The following ALOX5AP variants were observed in gnomAD, a reference collection of about 807,000 sequenced individuals.
ALOX5AP encodes arachidonate 5-lipoxygenase activating protein, also known as arachidonate 5-lipoxygenase-activating protein.
Under a neutral mutation model 18.5 loss-of-function variants are expected in ALOX5AP, and 9 were observed. That is an observed-to-expected ratio of 0.49 (90% CI 0.29 to 0.85). The LOEUF (loss-of-function observed/expected upper bound fraction) is 0.85, where lower values mean the gene tolerates loss of function less well. ALOX5AP is among the 40% of genes least tolerant of loss of function. ALOX5AP has a pLI of 0.08. For missense variants in ALOX5AP, 172 were observed against 202.5 expected (o/e 0.85, Z 0.91); for synonymous variants, 81 against 78.6 (o/e 1.03, Z -0.16).
At chr13:30,725,527 C>A (rs997102598) in intron 1 of ALOX5AP, among the ~76,000 whole-genome samples, 1 of 152,240 alleles carries the variant, frequency 6.6e-6, no homozygotes, top group Non-Finnish European at 1.5e-5. Context: ...GCTGAGTGCT[C>A]AGCCTGCCAA....
At chr13:30,714,881 G>A (rs1333227175) in intron 1 of ALOX5AP, among the ~76,000 whole-genome samples, 3 of 152,160 alleles carry the variant, frequency 2.0e-5, no homozygotes, top group Non-Finnish European at 1.5e-5. Context: ...GGGCAACTCC[G>A]TTCCTGGCAC....
At chr13:30,752,470 T>C (rs1323873172) in intron 3 of ALOX5AP, among the ~76,000 whole-genome samples, 1 of 152,216 alleles carries the variant, frequency 6.6e-6, no homozygotes, top group Non-Finnish European at 1.5e-5. Flanking sequence ...TTGGGACCGC[T>C]GTCACTTGGC....
At chr13:30,763,733 T>C (rs191776993) in intron 4 of ALOX5AP, among the ~76,000 whole-genome samples, 1 of 152,254 alleles carries the variant, frequency 6.6e-6, no homozygotes, top group African/African-American at 2.4e-5. Context: ...AGGTCTAGGC[T>C]CTCTTCACTT....
At chr13:30,732,697 T>G (rs1951690742), upstream of ALOX5AP, among the ~76,000 whole-genome samples, 1 of 152,070 alleles carries the variant, frequency 6.6e-6, no homozygotes, top group South Asian at 2.1e-4. Context: ...CTGTAAAATG[T>G]AAAACTCCAC....
At chr13:30,721,328 C>T (rs937568351) in intron 1 of ALOX5AP, among the ~76,000 whole-genome samples, 1 of 152,172 alleles carries the variant, frequency 6.6e-6, no homozygotes, top group African/African-American at 2.4e-5. Flanking sequence ...AGAACTTCAG[C>T]AACGTTCCCA....
intron 1 of ALOX5AP, among the ~76,000 whole-genome samples, chr13:30,721,328 C>A (rs937568351): frequency 6.6e-6 from 1 of 152,172 alleles, no homozygotes; most frequent in African/African-American, 2.4e-5. Context: ...AGAACTTCAG[C>A]AACGTTCCCA....
intron 1 of ALOX5AP, chr13:30,742,469 A>G (rs1951774608): frequency 6.6e-6 from 1 of 152,250 alleles, no homozygotes; most frequent in African/African-American, 2.4e-5. Context: ...GGAAAGTTGC[A>G]GCGTTCTTAC....
intron 2 of ALOX5AP, among the ~76,000 whole-genome samples, chr13:30,745,243 T>C (rs1050548982): frequency 6.6e-6 from 1 of 152,206 alleles, no homozygotes; most frequent in Non-Finnish European, 1.5e-5. Flanking sequence ...ATTGTTTCAG[T>C]GAGGTGTAGG....
In ALOX5AP at chr13:30,722,223, C is replaced by T. The variant is rs886810760; in HGVS notation, c.116+8382C>T. Among the ~76,000 whole-genome samples, 8 of 152,276 alleles carry T rather than the reference C, an allele frequency of 5.3e-5. 1 individual carries two copies. The South Asian group carries it at 1.4e-3, about 28-fold the overall frequency. On this transcript the variant is annotated intron_variant, in intron 1 of 5. Transcript: ENST00000617770. The stretch of plus-strand genomic sequence containing the variant: ...GCTTCCTAAAATGCGGTGCAGATGG[C>T]AGACACTTCAAAGCTGTCTCAGGCA...
At position 30,763,986 on chromosome 13, in the gene ALOX5AP, G is replaced by A. The variant is rs201653839; in HGVS notation, c.366G>A (p.Leu122=). 2.4e-5 allele frequency: 38 copies of A among 1,613,978 alleles called. No individual in the cohort carries two copies. Among genetic ancestry groups the A allele is most frequent in the Non-Finnish European group, 3.1e-5 (36 of 1,180,018 alleles). Residue 122 remains leucine (L), a synonymous_variant, in exon 5 of 5, where the codon CTG becomes CTA. Transcript: ENST00000380490. Reference sequence around the variant, plus strand: ...TTGGGAAACGCATCATACTCTTCCTGTTCCTCATGTCCGTTGCTGGCATAT... The same window carrying A: ...TTGGGAAACGCATCATACTCTTCCTATTCCTCATGTCCGTTGCTGGCATAT... ...YIFGKRIILF[L]FLMSVAGIFN...
intron 1 of ALOX5AP, among the ~76,000 whole-genome samples, chr13:30,742,971 C>A (rs1215004592): frequency 6.6e-6 from 1 of 151,200 alleles, no homozygotes; most frequent in Non-Finnish European, 1.5e-5. Flanking sequence ...TATCTTATCC[C>A]CCTATCCTGG....
intron 4 of ALOX5AP, among the ~76,000 whole-genome samples, chr13:30,761,132 G>T (rs932333056): frequency 1.3e-5 from 2 of 152,184 alleles, no homozygotes; most frequent in Admixed American, 6.5e-5. Flanking sequence ...TGCAGCTAAT[G>T]ATGTGCCCGG....
At chr13:30,735,437 A>T (rs887971906), upstream of ALOX5AP, 15 of 98,286 alleles carry the variant, frequency 1.5e-4, no homozygotes, top group African/African-American at 3.9e-3. Context: ...GGTTAGTTAA[A>T]AAAAAAAAAA....
chr13:30,727,948 T>C (rs1335865340), intron 1 of ALOX5AP, among the ~76,000 whole-genome samples: 1 of 152,130 alleles, frequency 6.6e-6, no homozygotes, highest in Non-Finnish European at 1.5e-5. Context: ...AACAGCAACC[T>C]CACTGTTAAG....
At chr13:30,737,206 C>T (rs1360625199) in intron 1 of ALOX5AP, among the ~76,000 whole-genome samples, 2 of 152,240 alleles carry the variant, frequency 1.3e-5, no homozygotes, top group Non-Finnish European at 2.9e-5. Flanking sequence ...CTGAACCCAG[C>T]TACGAAGTTT....
intron 4 of ALOX5AP, among the ~76,000 whole-genome samples, chr13:30,763,400 C>T (rs960867489): frequency 3.9e-5 from 6 of 152,212 alleles, no homozygotes; most frequent in African/African-American, 1.4e-4. Flanking sequence ...TTGCTGGGTG[C>T]CCAGGTCTCA....
chr13:30,721,069 T>C (rs1020337371), intron 1 of ALOX5AP, among the ~76,000 whole-genome samples: 4 of 152,202 alleles, frequency 2.6e-5, no homozygotes, highest in African/African-American at 9.7e-5. Flanking sequence ...CATTCAGTTC[T>C]CCAGCCATTG....
chr13:30,763,265 A>C (rs1951958103), intron 4 of ALOX5AP, among the ~76,000 whole-genome samples: 1 of 152,192 alleles, frequency 6.6e-6, no homozygotes, highest in Non-Finnish European at 1.5e-5. Flanking sequence ...CCGAGATTGC[A>C]CCACTGCACT....
intron 3 of ALOX5AP, among the ~76,000 whole-genome samples, chr13:30,753,918 C>G (rs1020545600): frequency 1.3e-5 from 2 of 152,162 alleles, no homozygotes; most frequent in African/African-American, 4.8e-5. Context: ...CAAGGCAAAT[C>G]GTGATTGTGA....
Sources: gnomAD v4.1 joint callset for allele counts (sites outside exome capture counted in the v4.1 genomes callset) on GRCh38, gnomAD v4.1.1 for gene constraint, MANE v1.5 for transcripts, NCBI Gene and HGNC (gene_info 2026-07-23, HGNC 2026-07-21) for gene names.